The following ZMIZ1 variants were observed in gnomAD, a reference collection of about 807,000 sequenced individuals.
ZMIZ1 encodes zinc finger MIZ domain-containing protein 1.
In ZMIZ1, 17 loss-of-function variants were observed where a neutral mutation model predicts 113.9. The observed-to-expected ratio is 0.15, with a 90% CI of 0.10 to 0.22. ZMIZ1 has a LOEUF of 0.22. Ranked by LOEUF, ZMIZ1 falls within the 10% of genes least tolerant of loss-of-function variation. ZMIZ1 has a pLI of 1.00. For synonymous variants in ZMIZ1, 607 were observed against 603.1 expected, an observed-to-expected ratio of 1.01 and a Z score of -0.09; for missense variants, 1,059 against 1,477.8, an observed-to-expected ratio of 0.72 and a Z score of 4.65.
intron 7 of ZMIZ1, among the ~76,000 whole-genome samples, chr10:79,248,142 T>G (rs977166711): frequency 6.6e-6 from 1 of 151,624 alleles, no homozygotes; most frequent in Non-Finnish European, 1.5e-5. Flanking sequence ...CAAGAGAGAA[T>G]TAGATGAACA....
At chr10:79,224,383 G>A (rs1055785291) in intron 7 of ZMIZ1, among the ~76,000 whole-genome samples, 3 of 152,138 alleles carry the variant, frequency 2.0e-5, no homozygotes, top group East Asian at 1.9e-4. Context: ...AAGGAGAGCC[G>A]GCAGCTCCTG....
intron 4 of ZMIZ1, among the ~76,000 whole-genome samples, chr10:79,163,389 C>T (rs1438939658): frequency 6.6e-6 from 1 of 152,260 alleles, no homozygotes; most frequent in East Asian, 1.9e-4. Context: ...TGAGAGCCAG[C>T]TTTCTCATCT....
At chr10:79,093,791 G>A (rs888426483) in intron 1 of ZMIZ1, among the ~76,000 whole-genome samples, 32 of 152,200 alleles carry the variant, frequency 2.1e-4, no homozygotes, top group Non-Finnish European at 8.8e-5. Context: ...CCTCTTCAGG[G>A]CCTCTCTCTG....
chr10:79,216,517 C>T, intron 7 of ZMIZ1: 2 of 358,738 alleles, frequency 5.6e-6, no homozygotes, highest in South Asian at 5.7e-5. Flanking sequence ...GCTCCCGAGG[C>T]ACACCAAACC....
chr10:79,219,737 G>A (rs1042757086), intron 7 of ZMIZ1, among the ~76,000 whole-genome samples: 10 of 152,186 alleles, frequency 6.6e-5, no homozygotes, highest in African/African-American at 2.4e-4. Context: ...ACACTATGCA[G>A]GCTCCCAGGG....
intron 18 of ZMIZ1, among the ~76,000 whole-genome samples, chr10:79,303,772 T>C (rs1854499121): frequency 6.6e-6 from 1 of 152,218 alleles, no homozygotes; most frequent in African/African-American, 2.4e-5. Flanking sequence ...ACAGGGGAAC[T>C]GCCACAGCCA....
At chr10:79,132,080 A>C (rs1247181474) in intron 2 of ZMIZ1, among the ~76,000 whole-genome samples, 1 of 152,224 alleles carries the variant, frequency 6.6e-6, no homozygotes, top group Non-Finnish European at 1.5e-5. Context: ...CAGAACCTGC[A>C]GTGTTCAAAG....
intron 7 of ZMIZ1, among the ~76,000 whole-genome samples, chr10:79,275,015 G>A (rs573558275): frequency 6.6e-6 from 1 of 152,368 alleles, no homozygotes; most frequent in Non-Finnish European, 1.5e-5. Flanking sequence ...GCTGGCAGTG[G>A]AGTGATCCCT....
chr10:79,201,709 G>T lies in ZMIZ1; in HGVS notation c.60+17G>T, dbSNP rs567253701. On this transcript the variant is annotated intron_variant, in intron 5 of 24. Transcript: ENST00000334512. ...ATCAAGCAGGTGGGTGTGGGGCAAG[G>T]CACACTCCGAGGGCGGGGCAGATGG... is the stretch of plus-strand genomic sequence containing the variant. 6.2e-7 allele frequency: 1 copy of T among 1,611,476 alleles called. No individual in the cohort carries two copies. Among genetic ancestry groups the T allele is most frequent in the Non-Finnish European group, 8.5e-7 (1 of 1,179,566 alleles).
At chr10:79,157,807 C>T (rs1313122928) in intron 3 of ZMIZ1, among the ~76,000 whole-genome samples, 1 of 152,130 alleles carries the variant, frequency 6.6e-6, no homozygotes, top group Non-Finnish European at 1.5e-5. Flanking sequence ...CCAGCACTGG[C>T]CCGCCAGGGG....
chr10:79,182,102 T>C (rs1847144880), intron 4 of ZMIZ1, among the ~76,000 whole-genome samples: 1 of 152,202 alleles, frequency 6.6e-6, no homozygotes, highest in African/African-American at 2.4e-5. Context: ...CACCTGACAT[T>C]ACCAGAACTG....
At chr10:79,114,744 C>T (rs911178129) in intron 1 of ZMIZ1, among the ~76,000 whole-genome samples, 2 of 152,162 alleles carry the variant, frequency 1.3e-5, no homozygotes, top group African/African-American at 4.8e-5. Context: ...ACCAGTATCA[C>T]CACGGGCTGA....
chr10:79,083,739 A>C (rs535204119), intron 1 of ZMIZ1, among the ~76,000 whole-genome samples: 1 of 152,142 alleles, frequency 6.6e-6, no homozygotes, highest in Non-Finnish European at 1.5e-5. Flanking sequence ...TCCTGAATGT[A>C]TTTTAAAGAT....
intron 7 of ZMIZ1, 136 bp downstream of exon 7, chr10:79,216,410 C>G: frequency 1.5e-6 from 1 of 664,616 alleles, no homozygotes; most frequent in Non-Finnish European, 2.4e-6. Flanking sequence ...TGAGGAAGAG[C>G]AACTCATCCA....
chr10:79,118,671 T>C lies in ZMIZ1; in HGVS notation c.-336-244T>C, dbSNP rs1472624079. Among the ~76,000 whole-genome samples, 2 of 152,198 alleles carry C rather than the reference T, an allele frequency of 1.3e-5. No individual in the cohort carries two copies. The highest frequency in any genetic ancestry group is 2.9e-5 in the Non-Finnish European group (2 of 68,030). ...CAGGCAGGTTTGGCTGCTGCTGTGG[T>C]CTGGCTTTCAGGGCTGCGGGGCTGC... On this transcript the variant is annotated intron_variant, in intron 1 of 24. Transcript: ENST00000334512. This position sits in a 1 kb window ranked among gnomAD's most constrained non-coding sequence, Gnocchi z 4.1.
intron 2 of ZMIZ1, among the ~76,000 whole-genome samples, chr10:79,132,139 G>C (rs557968522): frequency 2.0e-5 from 3 of 152,290 alleles, no homozygotes; most frequent in African/African-American, 7.2e-5. Context: ...TCACTGCCAC[G>C]TGCACGAGCT....
At chr10:79,107,818 G>A (rs1843612536) in intron 1 of ZMIZ1, among the ~76,000 whole-genome samples, 1 of 152,202 alleles carries the variant, frequency 6.6e-6, no homozygotes, top group Non-Finnish European at 1.5e-5. Flanking sequence ...GAGCTTCTGG[G>A]CTCTGCTGTA....
chr10:79,155,915 C>G (rs1412149714), intron 3 of ZMIZ1, among the ~76,000 whole-genome samples: 1 of 152,234 alleles, frequency 6.6e-6, no homozygotes, highest in Non-Finnish European at 1.5e-5. Flanking sequence ...CCAGGCCGAG[C>G]TGGGCTGGCC....
chr10:79,164,865 G>A (rs183684670), intron 4 of ZMIZ1, among the ~76,000 whole-genome samples: 24 of 152,272 alleles, frequency 1.6e-4, no homozygotes, highest in African/African-American at 5.3e-4. Flanking sequence ...TACTGGGGAG[G>A]CTGCACTGAT....
Sources: gnomAD v4.1 joint callset for allele counts (sites outside exome capture counted in the v4.1 genomes callset) on GRCh38, gnomAD v4.1.1 for gene constraint, Gnocchi (gnomAD v3.1) non-coding constraint, MANE v1.5 for transcripts, NCBI Gene and HGNC (gene_info 2026-07-23, HGNC 2026-07-21) for gene names.